Variants in PIK3R5 observed in about 807,000 individuals in gnomAD.
PIK3R5 encodes the protein phosphoinositide-3-kinase regulatory subunit 5, also known as phosphoinositide 3-kinase regulatory subunit 5.
A neutral mutation model predicts 94.9 loss-of-function variants in PIK3R5; 32 were observed. The observed-to-expected ratio is 0.34, with a 90% CI of 0.25 to 0.45. The LOEUF (loss-of-function observed/expected upper bound fraction) is 0.45. Among genes scored for constraint, PIK3R5 ranks in the 20% least tolerant of loss-of-function variants. The pLI, the probability that PIK3R5 is intolerant of heterozygous loss-of-function variation, is 1.00. For missense variants in PIK3R5, 853 were observed against 1,144.6 expected (o/e 0.75, Z 3.68); for synonymous variants, 443 against 479.4 (o/e 0.92, Z 0.99).
At position 8,884,846 on chromosome 17, in the gene PIK3R5, T is replaced by C. The variant is rs1194856379; in HGVS notation, c.2129-63A>G. The C allele has an allele frequency of 7.0e-7, 1 of 1,429,854 alleles. No homozygotes were observed. The highest frequency in any genetic ancestry group is 9.8e-7 in the Non-Finnish European group (1 of 1,020,950). The allele number at this position is 1,429,854 out of a possible 1,614,324, so 88.6% of individuals were successfully genotyped here. ...CTTCCCCGGCTCCTCACGAACGCAG[T>C]GGCCTTGCCTCCCTGGGCCTTACCT... On this transcript the variant is annotated intron_variant, in intron 14 of 18. Coordinates refer to ENST00000447110, the MANE Select transcript of PIK3R5 (RefSeq NM_001142633.3). This position sits in a 1 kb window ranked among gnomAD's most constrained non-coding sequence, Gnocchi z 5.8.
At position 8,945,590 on chromosome 17, in the gene PIK3R5, C is replaced by T. The variant is rs963520863; in HGVS notation, c.-14+20006G>A. Reference sequence around the variant, plus strand: ...GGCAAAGCAGACATCTCAAATCCACCGTAGTCCAGAAACAACACAAAATGA... The same window carrying T: ...GGCAAAGCAGACATCTCAAATCCACTGTAGTCCAGAAACAACACAAAATGA... On this transcript the variant is annotated intron_variant, in intron 1 of 18. Transcript: ENST00000447110. This position sits in a 1 kb window ranked among gnomAD's most constrained non-coding sequence, Gnocchi z 4.0. 1.4e-4 allele frequency among the ~76,000 whole-genome samples: 21 copies of T among 152,076 alleles called. No individual in the cohort carries two copies. The highest frequency in any genetic ancestry group is 3.4e-4 in the African/African-American group (14 of 41,410).
chr17:8,891,585 T>C lies in PIK3R5; in HGVS notation c.483-673A>G, dbSNP rs531229736. ...TGCCAGTGTTTACATTTCTTTATTA[T>C]GGAACCTTTCTCTTTTTTTTTTTTT... On this transcript the variant is annotated intron_variant, in intron 6 of 18. Coordinates refer to ENST00000447110, the MANE Select transcript of PIK3R5 (RefSeq NM_001142633.3). Among the ~76,000 whole-genome samples the C allele has an allele frequency of 4.6e-5, 7 of 151,716 alleles. No individual in the cohort carries two copies. In the East Asian group the frequency reaches 1.4e-3, roughly 29 times the overall value.
At chr17:8,957,052 G>A (rs532219295) in intron 1 of PIK3R5, among the ~76,000 whole-genome samples, 2 of 152,166 alleles carry the variant, frequency 1.3e-5, no homozygotes, top group South Asian at 4.2e-4. Context: ...CCCAGCTTTG[G>A]GACCTGTTTA....
At chr17:8,916,558 C>T (rs2090635512) in intron 1 of PIK3R5, 1 of 151,376 alleles carries the variant, frequency 6.6e-6, no homozygotes, top group Admixed American at 6.6e-5. Flanking sequence ...GGGCCTTCCC[C>T]CATCTCCAAG....
chr17:8,884,566 C>T lies in PIK3R5; in HGVS notation c.2205+141G>A. 1 of 652,718 alleles carries T rather than the reference C, an allele frequency of 1.5e-6. No homozygotes were observed. Among genetic ancestry groups the T allele is most frequent in the South Asian group, 1.8e-5 (1 of 56,294 alleles). 40.4% of individuals were successfully genotyped at this position (652,718 alleles called of 1,614,324 possible). A position where few individuals can be genotyped will look rare whatever the true frequency, so the allele number is the denominator to read the frequency against. ...TCCTTCCCTTCTCTGCTTCTCTCAGCATCCAGGGGAGCCTGCTGCAGCCTT... is the reference window on the plus strand; with the variant it reads ...TCCTTCCCTTCTCTGCTTCTCTCAGTATCCAGGGGAGCCTGCTGCAGCCTT... On this transcript the variant is annotated intron_variant, in intron 15 of 18. Coordinates refer to ENST00000447110, the MANE Select transcript of PIK3R5 (RefSeq NM_001142633.3). The surrounding 1 kb of genome is among the most constrained non-coding windows in gnomAD (Gnocchi z 5.8).
At chr17:8,932,005 C>G (rs2090994794) in intron 1 of PIK3R5, among the ~76,000 whole-genome samples, 1 of 152,102 alleles carries the variant, frequency 6.6e-6, no homozygotes, top group Non-Finnish European at 1.5e-5. Context: ...AGTGTGGCAT[C>G]CATAATGCCT....
In PIK3R5 at chr17:8,909,149, G is replaced by A; in HGVS notation, c.129C>T (p.Ser43=). The change falls in exon 3 of 19, where the codon AGC becomes AGT. Residue 43 remains serine, a synonymous_variant. Transcript: ENST00000447110. The surrounding 1 kb of genome is among the most constrained non-coding windows in gnomAD (Gnocchi z 4.3). ...WSAGLCLNCW[S]LQELVSRDPG... is the part of the protein sequence containing the mutation. Reference sequence around the variant, plus strand: ...GGTCCCTGCTGACCAGCTCCTGCAGGCTCCAGCAGTTCAGACACAGCCCAG... The same window carrying A: ...GGTCCCTGCTGACCAGCTCCTGCAGACTCCAGCAGTTCAGACACAGCCCAG... 2 of 1,604,264 alleles carry A rather than the reference G, an allele frequency of 1.2e-6. No homozygotes were observed. The highest frequency in any genetic ancestry group is 1.7e-6 in the Non-Finnish European group (2 of 1,174,894).
intron 1 of PIK3R5, among the ~76,000 whole-genome samples, chr17:8,919,581 T>C (rs1231632670): frequency 2.6e-5 from 4 of 152,216 alleles, no homozygotes; most frequent in Non-Finnish European, 5.9e-5. Context: ...CAGTTCATAG[T>C]TAATATATTC....
Position 8,890,182 on chromosome 17 carries a change from C to T in PIK3R5, c.658-56G>A. ...CCTGGACCGTGAGCTAGCTGTCCAC[C>T]TGTTCCAGTTGCTAGCTTCTTACTG... On this transcript the variant is annotated intron_variant, in intron 7 of 18. Transcript: ENST00000447110. This position sits in a 1 kb window ranked among gnomAD's most constrained non-coding sequence, Gnocchi z 6.1. The T allele has an allele frequency of 6.4e-7, 1 of 1,573,358 alleles. No homozygotes were observed. Among genetic ancestry groups the T allele is most frequent in the Non-Finnish European group, 8.7e-7 (1 of 1,148,606 alleles).
At chr17:8,959,846 C>T (rs1030369136) in intron 1 of PIK3R5, among the ~76,000 whole-genome samples, 1 of 152,214 alleles carries the variant, frequency 6.6e-6, no homozygotes, top group African/African-American at 2.4e-5. Context: ...AGAACAGCGG[C>T]TCCTAAGAGG....
intron 1 of PIK3R5, among the ~76,000 whole-genome samples, chr17:8,939,139 A>G (rs1157494326): frequency 6.6e-6 from 1 of 152,180 alleles, no homozygotes; most frequent in Non-Finnish European, 1.5e-5. Context: ...TGTTTTACAC[A>G]TAAGGAAACG....
Position 8,911,527 on chromosome 17 carries a change from C to T in PIK3R5, c.-13-20G>A, listed in dbSNP as rs368662805. ...CATCGCCTGCATGGGGGACAGACGC[C>T]GGTCAGCTTGTCGAGCTCCTTTCCC... On this transcript the variant is annotated intron_variant, in intron 1 of 18. Coordinates refer to ENST00000447110, the MANE Select transcript of PIK3R5 (RefSeq NM_001142633.3). The surrounding 1 kb of genome is among the most constrained non-coding windows in gnomAD (Gnocchi z 5.3). 8.3e-5 allele frequency: 126 copies of T among 1,519,444 alleles called. No individual in the cohort carries two copies. Among genetic ancestry groups the T allele is most frequent in the South Asian group, 2.4e-4 (21 of 88,612 alleles). 94.1% of individuals were successfully genotyped at this position (1,519,444 alleles called of 1,614,324 possible). A position where few individuals can be genotyped will look rare whatever the true frequency, so the allele number is the denominator to read the frequency against.
intron 1 of PIK3R5, among the ~76,000 whole-genome samples, chr17:8,929,341 TTAAAAG>T (rs1187222373): frequency 6.6e-6 from 1 of 151,588 alleles, no homozygotes; most frequent in Non-Finnish European, 1.5e-5. Flanking sequence ...TATAGACAAA[TTAAAAG>T]TAAAAGGGTG....
chr17:8,959,717 C>T (rs1343424933), intron 1 of PIK3R5, among the ~76,000 whole-genome samples: 1 of 152,174 alleles, frequency 6.6e-6, no homozygotes, highest in African/African-American at 2.4e-5. Flanking sequence ...CCCAGTGATA[C>T]GTCTGCACAG....
At chr17:8,926,550 A>T (rs1479847872) in intron 1 of PIK3R5, among the ~76,000 whole-genome samples, 7 of 152,224 alleles carry the variant, frequency 4.6e-5, no homozygotes, top group Admixed American at 4.6e-4. Flanking sequence ...CACGTCTTAC[A>T]TGGCAGCAGC....
chr17:8,963,681 T>C (rs1160585922), intron 1 of PIK3R5, among the ~76,000 whole-genome samples: 2 of 152,060 alleles, frequency 1.3e-5, no homozygotes, highest in Non-Finnish European at 2.9e-5. Flanking sequence ...GGGCAACCTG[T>C]TATTCTTGAG....
Position 8,890,760 on chromosome 17 carries a change from G to T in PIK3R5, c.635C>A (p.Pro212Gln). ...QATFGAHCDV[P>Q]GLHCRLQAKT... Reference sequence around the variant, plus strand: ...TACCTGTAGCCTGCAGTGCAGGCCCGGGACGTCACAGTGGGCCCCAAAGGT... The same window carrying T: ...TACCTGTAGCCTGCAGTGCAGGCCCTGGACGTCACAGTGGGCCCCAAAGGT... The change falls in exon 7 of 19, where the codon CCG (proline) becomes CAG (glutamine). Residue 212 changes from proline (P) to glutamine (Q), a missense_variant. Pro to Gln is a moderately conservative substitution (Grantham distance 76, BLOSUM62 -1). Coordinates refer to ENST00000447110, the MANE Select transcript of PIK3R5 (RefSeq NM_001142633.3). This position sits in a 1 kb window ranked among gnomAD's most constrained non-coding sequence, Gnocchi z 6.1. 1 of 1,610,750 alleles carries T rather than the reference G, an allele frequency of 6.2e-7. No homozygotes were observed.
intron 12 of PIK3R5, 96 bp from the exon 13 acceptor site, chr17:8,886,701 A>T: frequency 1.4e-5 from 19 of 1,357,022 alleles, no homozygotes; most frequent in Non-Finnish European, 1.9e-5. Context: ...AGAGAGACAT[A>T]GAGGCAGCCA....
At chr17:8,887,323 C>G in intron 11 of PIK3R5, 102 bp from the exon 12 acceptor site, 4 of 1,496,218 alleles carry the variant, frequency 2.7e-6, no homozygotes, top group Non-Finnish European at 3.6e-6. Context: ...CTGAGCTTCT[C>G]CCTGCCCTTG....
Sources: gnomAD v4.1 joint callset for allele counts (sites outside exome capture counted in the v4.1 genomes callset) on GRCh38, gnomAD v4.1.1 for gene constraint, Gnocchi (gnomAD v3.1) non-coding constraint, MANE v1.5 for transcripts, NCBI Gene and HGNC (gene_info 2026-07-23, HGNC 2026-07-21) for gene names.